The following SLIT2 variants were observed in gnomAD, a reference collection of about 807,000 sequenced individuals.
SLIT2 encodes slit homolog 2 protein.
SLIT2 carries 41 observed loss-of-function variants against 185.7 expected under a neutral mutation model. That is an observed-to-expected ratio of 0.22 (90% CI 0.17 to 0.29). The LOEUF (loss-of-function observed/expected upper bound fraction) is 0.29. Ranked by LOEUF, SLIT2 falls within the 10% of genes least tolerant of loss-of-function variation. SLIT2 has a pLI of 1.00. For synonymous variants in SLIT2, 693 were observed against 680.2 expected, an observed-to-expected ratio of 1.02 and a Z score of -0.29; for missense variants, 1,571 against 1,909.0, an observed-to-expected ratio of 0.82 and a Z score of 3.30.
At chr4:20,458,813 C>G (rs1355108113) in intron 4 of SLIT2, among the ~76,000 whole-genome samples, 1 of 152,232 alleles carries the variant, frequency 6.6e-6, no homozygotes, top group Non-Finnish European at 1.5e-5. Context: ...CCCAGTTCCT[C>G]ATCTCCAAAA....
At chr4:20,313,568 CT>C (rs1560308193) in intron 4 of SLIT2, among the ~76,000 whole-genome samples, 2 of 152,242 alleles carry the variant, frequency 1.3e-5, no homozygotes, top group African/African-American at 4.8e-5. Flanking sequence ...TTTCTGCCTT[CT>C]TTTTTTCTTT....
intron 4 of SLIT2, among the ~76,000 whole-genome samples, chr4:20,427,936 A>G (rs917119644): frequency 2.0e-5 from 3 of 152,180 alleles, no homozygotes; most frequent in African/African-American, 7.2e-5. Flanking sequence ...AAGAGAAGAA[A>G]ACCCATTTTG....
chr4:20,584,132 A>AT (rs1404287815), intron 29 of SLIT2, among the ~76,000 whole-genome samples: 32 of 152,012 alleles, frequency 2.1e-4, no homozygotes, highest in East Asian at 5.8e-4. Flanking sequence ...AAAAAAAGGG[A>AT]TTTTTTTAGA....
intron 5 of SLIT2, among the ~76,000 whole-genome samples, chr4:20,472,408 C>CTATA (rs1201042564): frequency 6.2e-5 from 2 of 32,450 alleles, no homozygotes; most frequent in African/African-American, 1.9e-4. Flanking sequence ...ATATAGATAT[C>CTATA]TATATATCTA....
intron 33 of SLIT2, among the ~76,000 whole-genome samples, chr4:20,606,334 T>C (rs1728795259): frequency 6.6e-6 from 1 of 151,984 alleles, no homozygotes; most frequent in Non-Finnish European, 1.5e-5. Flanking sequence ...ATTTAAGAAG[T>C]AGCTGGGCAT....
intron 29 of SLIT2, among the ~76,000 whole-genome samples, chr4:20,577,061 G>A (rs1052384459): frequency 2.0e-5 from 3 of 151,704 alleles, no homozygotes; most frequent in African/African-American, 7.3e-5. Context: ...TATTGAAAGT[G>A]ATACAAAAAT....
intron 4 of SLIT2, among the ~76,000 whole-genome samples, chr4:20,334,490 T>A (rs2109210648): frequency 6.6e-6 from 1 of 152,234 alleles, no homozygotes; most frequent in Non-Finnish European, 1.5e-5. Context: ...TTTTTAAAAT[T>A]GTTTAGGAGA....
chr4:20,559,792 T>G (rs754032302), intron 26 of SLIT2, among the ~76,000 whole-genome samples: 1 of 152,016 alleles, frequency 6.6e-6, no homozygotes, highest in Non-Finnish European at 1.5e-5. Context: ...ATTCCAAAGC[T>G]TACTGCTTAA....
chr4:20,300,023 A>G (rs916414253), intron 4 of SLIT2, among the ~76,000 whole-genome samples: 5 of 152,272 alleles, frequency 3.3e-5, no homozygotes, highest in East Asian at 1.9e-4. Flanking sequence ...ATAAAGATCA[A>G]TGTAGAATAT....
chr4:20,429,054 A>C (rs919146480), intron 4 of SLIT2, among the ~76,000 whole-genome samples: 3 of 152,170 alleles, frequency 2.0e-5, no homozygotes, highest in Non-Finnish European at 2.9e-5. Context: ...CCTCTATGGC[A>C]CAGATGGACG....
intron 4 of SLIT2, among the ~76,000 whole-genome samples, chr4:20,461,497 T>C (rs1451563972): frequency 6.6e-6 from 1 of 152,186 alleles, no homozygotes; most frequent in South Asian, 2.1e-4. Flanking sequence ...AGGCAAGATA[T>C]CTGTAGTTTT....
intron 4 of SLIT2, among the ~76,000 whole-genome samples, chr4:20,440,402 C>T (rs1325209073): frequency 6.6e-6 from 1 of 152,114 alleles, no homozygotes; most frequent in East Asian, 1.9e-4. Context: ...TCTTGTGTAC[C>T]ATTAGGATTG....
chr4:20,594,825 T>C (rs1375521457), intron 30 of SLIT2, among the ~76,000 whole-genome samples: 2 of 152,170 alleles, frequency 1.3e-5, no homozygotes, highest in East Asian at 3.9e-4. Flanking sequence ...CACTTAGAAG[T>C]TGAGTGTTTG....
chr4:20,466,536 A>G (rs1183460434), intron 4 of SLIT2, among the ~76,000 whole-genome samples: 1 of 152,210 alleles, frequency 6.6e-6, no homozygotes, highest in Non-Finnish European at 1.5e-5. Context: ...ATATTGAGAT[A>G]TAAATGCAAT....
At chr4:20,581,100 A>G (rs1011683313) in intron 29 of SLIT2, among the ~76,000 whole-genome samples, 2 of 152,312 alleles carry the variant, frequency 1.3e-5, no homozygotes, top group Admixed American at 6.5e-5. Context: ...GGCTTAAACA[A>G]CAGAGTTTTA....
At chr4:20,430,520 C>G (rs1027947462) in intron 4 of SLIT2, among the ~76,000 whole-genome samples, 3 of 152,170 alleles carry the variant, frequency 2.0e-5, no homozygotes, top group Non-Finnish European at 4.4e-5. Flanking sequence ...AACATGTTTT[C>G]TCTTTGCCAA....
At chr4:20,284,074 C>T (rs1314132708) in intron 4 of SLIT2, among the ~76,000 whole-genome samples, 1 of 152,158 alleles carries the variant, frequency 6.6e-6, no homozygotes, top group Non-Finnish European at 1.5e-5. Context: ...GAGGGCCTTC[C>T]AACAACCTGC....
intron 4 of SLIT2, among the ~76,000 whole-genome samples, chr4:20,346,235 A>G (rs1721399534): frequency 6.6e-6 from 1 of 152,086 alleles, no homozygotes; most frequent in South Asian, 2.1e-4. Flanking sequence ...GGCTCAAGCT[A>G]TCCGCCTGCC....
chr4:20,283,100 G>A (rs1431398553), intron 4 of SLIT2, among the ~76,000 whole-genome samples: 1 of 136,464 alleles, frequency 7.3e-6, no homozygotes, highest in Non-Finnish European at 1.5e-5. Flanking sequence ...TGTGTTGCCT[G>A]TGTGCCTGTG....
Sources: allele counts gnomAD v4.1 joint callset (sites outside exome capture counted in the v4.1 genomes callset), GRCh38; gene constraint gnomAD v4.1.1; transcripts MANE v1.5; gene names NCBI Gene and HGNC (gene_info 2026-07-23, HGNC 2026-07-21).